Variants in RNF214 observed in about 807,000 individuals in gnomAD.
RNF214 encodes the protein ring finger protein 214.
A neutral mutation model predicts 75.9 loss-of-function variants in RNF214; 25 were observed. The ratio of observed to expected loss-of-function variants is 0.33; its 90% CI spans 0.24 to 0.46. RNF214 has a LOEUF of 0.46. Ranked by LOEUF, RNF214 falls within the 20% of genes least tolerant of loss-of-function variation. The probability of loss-of-function intolerance (pLI) is 1.00; values close to 1 mark genes in which losing one functional copy is unlikely to be tolerated. For synonymous variants in RNF214, 314 were observed against 308.8 expected (o/e 1.02, Z -0.18); for missense variants, 725 against 857.5 (o/e 0.85, Z 1.93).
chr11:117,251,531 C>T (rs1180906137), intron 6 of RNF214, among the ~76,000 whole-genome samples: 1 of 69,194 alleles, frequency 1.4e-5, no homozygotes, highest in Non-Finnish European at 2.9e-5. Flanking sequence ...GGGGGGCTGA[C>T]CCCCCCACCT....
chr11:117,277,302 C>T (rs1409286599), intron 6 of RNF214, among the ~76,000 whole-genome samples: 1 of 152,102 alleles, frequency 6.6e-6, no homozygotes, highest in Non-Finnish European at 1.5e-5. Flanking sequence ...GAGATCCCGC[C>T]TGTGTACCCC....
intron 6 of RNF214, among the ~76,000 whole-genome samples, 154 bp downstream of exon 6, chr11:117,247,102 G>A (rs2033244770): frequency 6.6e-6 from 1 of 152,292 alleles, no homozygotes. Context: ...AGCTTTTTCA[G>A]TATCAAACAT....
At chr11:117,272,611 T>G (rs2033936452) in intron 6 of RNF214, among the ~76,000 whole-genome samples, 1 of 148,426 alleles carries the variant, frequency 6.7e-6, no homozygotes, top group Admixed American at 6.7e-5. Context: ...AAATTAAAAT[T>G]TTTTTTTTTT....
chr11:117,236,941 G>A (rs1057013441), intron 2 of RNF214, among the ~76,000 whole-genome samples: 1 of 152,212 alleles, frequency 6.6e-6, no homozygotes, highest in African/African-American at 2.4e-5. Flanking sequence ...TTTTACAAAT[G>A]AGGTAACTTG....
At chr11:117,276,732 G>C (rs1189156314) in intron 6 of RNF214, among the ~76,000 whole-genome samples, 4 of 152,212 alleles carry the variant, frequency 2.6e-5, no homozygotes, top group African/African-American at 9.6e-5. Flanking sequence ...TGAATATGTG[G>C]AATGTTTCCA....
chr11:117,273,782 C>T (rs563636256), intron 6 of RNF214, among the ~76,000 whole-genome samples: 86 of 152,124 alleles, frequency 5.7e-4, no homozygotes, highest in South Asian at 5.4e-3. Flanking sequence ...GGTTGGGATA[C>T]GGGGGATGAA....
At chr11:117,277,233 C>G (rs944248503) in intron 6 of RNF214, among the ~76,000 whole-genome samples, 1 of 152,062 alleles carries the variant, frequency 6.6e-6, no homozygotes, top group African/African-American at 2.4e-5. Flanking sequence ...GTCCCAGCTA[C>G]TTGGGAGGCT....
intron 6 of RNF214, among the ~76,000 whole-genome samples, chr11:117,273,525 G>A (rs2033952351): frequency 1.3e-5 from 2 of 152,086 alleles, no homozygotes; most frequent in Non-Finnish European, 2.9e-5. Flanking sequence ...AGAGATTAGG[G>A]CCCGAAAATT....
chr11:117,257,927 T>C (rs2033561656), intron 6 of RNF214, among the ~76,000 whole-genome samples: 1 of 152,152 alleles, frequency 6.6e-6, no homozygotes, highest in African/African-American at 2.4e-5. Context: ...TCCCCTAATA[T>C]TTTGTTATGA....
At chr11:117,234,500 G>T in intron 2 of RNF214, 121 bp downstream of exon 2, 1 of 644,360 alleles carries the variant, frequency 1.6e-6, no homozygotes, top group Non-Finnish European at 2.8e-6. Flanking sequence ...AAAGGTACAG[G>T]ACTGTCTGAT....
chr11:117,267,424 T>C (rs1276837043), intron 6 of RNF214, among the ~76,000 whole-genome samples: 1 of 151,994 alleles, frequency 6.6e-6, no homozygotes, highest in Non-Finnish European at 1.5e-5. Flanking sequence ...CAGGGTTCAT[T>C]TTCTTGGTCA....
At chr11:117,266,620 A>G (rs774823298) in intron 6 of RNF214, among the ~76,000 whole-genome samples, 22 of 151,996 alleles carry the variant, frequency 1.4e-4, no homozygotes, top group Non-Finnish European at 2.4e-4. Context: ...TTGGCCTCCC[A>G]AAGCGCTGGG....
chr11:117,259,366 G>C (rs1276336043), intron 6 of RNF214, among the ~76,000 whole-genome samples: 2 of 152,178 alleles, frequency 1.3e-5, no homozygotes, highest in African/African-American at 4.8e-5. Context: ...GAATAAAGCT[G>C]CTATGAACAC....
rs868065869 is a variant in RNF214, at chr11:117,251,517, G to T, written c.959+4569G>T. Among the ~76,000 whole-genome samples, 614 of 92,476 alleles carry T rather than the reference G, an allele frequency of 6.6e-3. 3 individuals carry two copies. Among genetic ancestry groups the T allele is most frequent in the African/African-American group, 0.021 (432 of 21,050 alleles). The allele number at this position is 92,476 out of a possible 152,430, so 60.7% of individuals were successfully genotyped here. A position where few individuals can be genotyped will look rare whatever the true frequency, so the allele number is the denominator to read the frequency against. ...TCCCTCCCGGACGGGGCGGCTGGCC[G>T]GGCGGGGGGCTGACCCCCCCACCTC... On this transcript the variant is annotated intron_variant, in intron 6 of 14. Coordinates refer to ENST00000300650, the MANE Select transcript of RNF214 (RefSeq NM_207343.4).
At chr11:117,271,704 A>C (rs979422032) in intron 6 of RNF214, among the ~76,000 whole-genome samples, 1 of 152,216 alleles carries the variant, frequency 6.6e-6, no homozygotes, top group East Asian at 1.9e-4. Flanking sequence ...AATGGCCTGG[A>C]TAGTGTACTA....
chr11:117,242,020 C>G (rs1167531516), intron 4 of RNF214, among the ~76,000 whole-genome samples: 5 of 152,036 alleles, frequency 3.3e-5, no homozygotes, highest in Admixed American at 3.3e-4. Flanking sequence ...CAAATTCCAT[C>G]CAGTCTTTTT....
At chr11:117,235,158 A>G (rs1381130000) in intron 2 of RNF214, among the ~76,000 whole-genome samples, 4 of 152,100 alleles carry the variant, frequency 2.6e-5, no homozygotes, top group Non-Finnish European at 4.4e-5. Context: ...CAACCATCCA[A>G]TTTTTTTCTG....
At chr11:117,244,094 A>G (rs550083155) in intron 4 of RNF214, among the ~76,000 whole-genome samples, 4 of 152,136 alleles carry the variant, frequency 2.6e-5, no homozygotes, top group African/African-American at 9.6e-5. Flanking sequence ...CGATCATCCC[A>G]CCTCAGCCTC....
chr11:117,265,711 G>T (rs1177296815), intron 6 of RNF214, among the ~76,000 whole-genome samples: 3 of 152,068 alleles, frequency 2.0e-5, no homozygotes, highest in Non-Finnish European at 4.4e-5. Context: ...CACCGCGCCT[G>T]GCCATCTCTT....
Sources: gnomAD v4.1 joint callset for allele counts (sites outside exome capture counted in the v4.1 genomes callset) on GRCh38, gnomAD v4.1.1 for gene constraint, MANE v1.5 for transcripts, NCBI Gene and HGNC (gene_info 2026-07-23, HGNC 2026-07-21) for gene names.